HTRA2: variants seen among roughly 807,000 people sequenced by gnomAD.
The protein encoded by HTRA2 is serine protease HTRA2, mitochondrial.
Under a neutral mutation model 42.2 loss-of-function variants are expected in HTRA2, and 24 were observed. That is an observed-to-expected ratio of 0.57 (90% CI 0.41 to 0.80). The LOEUF (loss-of-function observed/expected upper bound fraction) is 0.80. Ranked by LOEUF, HTRA2 falls within the 30% of genes least tolerant of loss-of-function variation. The pLI, the probability that HTRA2 is intolerant of heterozygous loss-of-function variation, is 0.00. For synonymous variants in HTRA2, 245 were observed against 255.8 expected (o/e 0.96, Z 0.40); for missense variants, 466 against 613.5 (o/e 0.76, Z 2.54).
intron 4 of HTRA2, 107 bp downstream of exon 4, chr2:74,531,478 T>G (rs746510800): frequency 6.2e-7 from 1 of 1,607,460 alleles, no homozygotes; most frequent in Non-Finnish European, 8.5e-7. Context: ...AGCAGTTCTT[T>G]GTTGGCTATC....
upstream of HTRA2, chr2:74,529,682 C>T (rs528446739): frequency 1.0e-4 from 155 of 1,541,596 alleles, no homozygotes; most frequent in African/African-American, 2.0e-3. Context: ...TTTTCGCGCC[C>T]GGCCGCAGGG....
At chr2:74,533,519 T>A (rs924497017), downstream of HTRA2, 2 of 1,225,540 alleles carry the variant, frequency 1.6e-6, no homozygotes, top group Non-Finnish European at 2.4e-6. Context: ...GTTGCTGACA[T>A]GGGTTTCTTG....
chr2:74,531,188 G>A, intron 3 of HTRA2, 83 bp downstream of exon 3: 2 of 1,550,310 alleles, frequency 1.3e-6, no homozygotes, highest in Non-Finnish European at 1.8e-6. Context: ...GATATATGGT[G>A]GATGAGCCTA....
chr2:74,531,357 C>T lies in HTRA2; in HGVS notation c.925C>T (p.Pro309Ser). Reference protein sequence around the residue: ...AAIDFGNSGGPLVNLDGEVIG... With the variant: ...AAIDFGNSGGSLVNLDGEVIG... ...CCTACAGTTTGGAAACTCTGGAGGT[C>T]CCCTGGTTAACCTGGTGAGTGAGAC... Residue 309 changes from proline (P) to serine (S), a missense_variant, in exon 4 of 8, where the codon CCC becomes TCC. This residue lies in a region of HTRA2 where 115 missense variants were observed against 245.4 expected (regional missense o/e 0.47). Coordinates refer to ENST00000258080, the MANE Select transcript of HTRA2 (RefSeq NM_013247.5). The T allele has an allele frequency of 6.2e-7, 1 of 1,614,144 alleles. No individual in the cohort carries two copies. Among genetic ancestry groups the T allele is most frequent in the Non-Finnish European group, 8.5e-7 (1 of 1,179,976 alleles).
In HTRA2 at chr2:74,530,045, C is replaced by T. The variant is rs749586893; in HGVS notation, c.39C>T (p.Ser13=). 6.3e-7 allele frequency: 1 copy of T among 1,576,596 alleles called. No individual in the cohort carries two copies. The highest frequency in any genetic ancestry group is 8.7e-7 in the Non-Finnish European group (1 of 1,155,342). Residue 13 remains serine, a synonymous_variant, in exon 1 of 8, where the codon AGC becomes AGT. Transcript: ENST00000258080. This position sits in a 1 kb window ranked among gnomAD's most constrained non-coding sequence, Gnocchi z 7.4. Reference sequence around the variant, plus strand: ...GGGCGGGGCGGGGTGCAGGCTGGAGCCTTCGGGCATGGCGGGCTTTGGGGG... The same window carrying T: ...GGGCGGGGCGGGGTGCAGGCTGGAGTCTTCGGGCATGGCGGGCTTTGGGGG... ...APRAGRGAGW[S]LRAWRALGGI... is the part of the protein sequence containing the mutation.
intron 6 of HTRA2, 89 bp downstream of exon 6, chr2:74,532,014 T>A: frequency 8.2e-7 from 1 of 1,217,114 alleles, no homozygotes. Context: ...TTTCTGTCTT[T>A]ATCTAAGATG....
Position 74,530,985 on chromosome 2 carries a change from T to C in HTRA2, c.786T>C (p.Ser262=). Residue 262 remains serine, a synonymous_variant, in exon 3 of 8, where the codon AGT becomes AGC. Coordinates refer to ENST00000258080, the MANE Select transcript of HTRA2 (RefSeq NM_013247.5). This position sits in a 1 kb window ranked among gnomAD's most constrained non-coding sequence, Gnocchi z 7.4. Reference sequence around the variant, plus strand: ...GGGAGTTTGTTGTTGCCATGGGAAGTCCCTTTGCACTGCAGAACACGATCA... The same window carrying C: ...GGGAGTTTGTTGTTGCCATGGGAAGCCCCTTTGCACTGCAGAACACGATCA... ...RQGEFVVAMG[S]PFALQNTITS... 6.2e-7 allele frequency: 1 copy of C among 1,614,170 alleles called. No individual in the cohort carries two copies. The highest frequency in any genetic ancestry group is 8.5e-7 in the Non-Finnish European group (1 of 1,180,036).
chr2:74,532,916 G>T lies in HTRA2; in HGVS notation c.1308G>T (p.Gln436His), dbSNP rs1481385652. Reference sequence around the variant, plus strand: ...ATGAAGCTGTTCGAACCCAATCCCAGTTGGCAGTGCAGATCCGGCGGGGAC... The same window carrying T: ...ATGAAGCTGTTCGAACCCAATCCCATTTGGCAGTGCAGATCCGGCGGGGAC... The part of the protein sequence containing the change: ...DVYEAVRTQS[Q>H]LAVQIRRGRE... The change falls in exon 8 of 8, where the codon CAG becomes CAT. Residue 436 changes from glutamine to histidine, a missense_variant. By Grantham distance (24) the Gln-to-His change is conservative. This residue lies in a region of HTRA2 where 129 missense variants were observed against 163.1 expected (regional missense o/e 0.79). Transcript: ENST00000258080. 1.2e-6 allele frequency: 2 copies of T among 1,614,010 alleles called. No individual in the cohort carries two copies. The highest frequency in any genetic ancestry group is 1.7e-6 in the Non-Finnish European group (2 of 1,180,018).
chr2:74,529,433 G>C (rs774347474), upstream of HTRA2: 4 of 1,579,148 alleles, frequency 2.5e-6, no homozygotes, highest in Non-Finnish European at 3.4e-6. Context: ...GGCGCAGGAC[G>C]AGGAGGCAGA....
rs747274107 is a variant in HTRA2 at position 74,532,936 on chromosome 2, G to A, written c.1328G>A (p.Arg443Gln). ...TQSQLAVQIR[R>Q]GRETLTLYVT... The stretch of plus-strand genomic sequence containing the variant: ...TCCCAGTTGGCAGTGCAGATCCGGC[G>A]GGGACGAGAAACACTGACCTTATAT... Residue 443 changes from arginine (R) to glutamine (Q), a missense_variant, in exon 8 of 8, where the codon CGG becomes CAG. Arg to Gln is a conservative substitution (Grantham distance 43, BLOSUM62 1). Transcript: ENST00000258080. 5.0e-6 allele frequency: 8 copies of A among 1,613,684 alleles called. No homozygotes were observed. The highest frequency in any genetic ancestry group is 5.9e-6 in the Non-Finnish European group (7 of 1,179,948).
Position 74,532,494 on chromosome 2 carries a change from T to C in HTRA2, c.1116-125T>C, listed in dbSNP as rs1416215471. ...AGACAGAAAGTGAGTTGCCATTGTA[T>C]TTTGTAGTACCTAGCCCATGTCCTG... On this transcript the variant is annotated intron_variant, in intron 6 of 7. Coordinates refer to ENST00000258080, the MANE Select transcript of HTRA2 (RefSeq NM_013247.5). The C allele has an allele frequency of 5.3e-6, 4 of 758,668 alleles. No homozygotes were observed. In the Admixed American group the frequency reaches 8.0e-5, roughly 15 times the overall value. The allele number at this position is 758,668 out of a possible 1,614,324, so 47.0% of individuals were successfully genotyped here.
chr2:74,531,899 GGT>G lies in HTRA2; in HGVS notation c.1091_1092del (p.Val364AspfsTer12), dbSNP rs1558612885. 6.2e-7 allele frequency: 1 copy of G among 1,614,112 alleles called. No homozygotes were observed. Among genetic ancestry groups the G allele is most frequent in the South Asian group, 1.1e-5 (1 of 91,066 alleles). The part of the protein sequence containing the change: ...ISGSQRRYIG[V>X]MMLTLSPSIL... The stretch of plus-strand genomic sequence containing the variant: ...GTGGGTCCCAGCGGCGCTACATTGG[GGT>G]GATGATGCTGACCCTGAGTCCCAGG... On this transcript the variant is annotated frameshift_variant, in exon 6 of 8. Coordinates refer to ENST00000258080, the MANE Select transcript of HTRA2 (RefSeq NM_013247.5). LOFTEE classifies it high-confidence loss of function.
At position 74,530,315 on chromosome 2, in the gene HTRA2, G is replaced by A. The variant is rs1201114067; in HGVS notation, c.309G>A (p.Ser103=). 1 of 1,597,862 alleles carries A rather than the reference G, an allele frequency of 6.3e-7. No individual in the cohort carries two copies. Among genetic ancestry groups the A allele is most frequent in the Non-Finnish European group, 8.5e-7 (1 of 1,170,176 alleles). Residue 103 remains serine (S), a synonymous_variant, in exon 1 of 8, where the codon TCG becomes TCA. Transcript: ENST00000258080. The surrounding 1 kb of genome is among the most constrained non-coding windows in gnomAD (Gnocchi z 7.4). ...CCTCAGAGAACTCTGGAACCCGTTC[G>A]CGCGCGTGGCTGGCGGTGGCGCTGG... is the stretch of plus-strand genomic sequence containing the variant. The part of the protein sequence containing the change: ...REASENSGTR[S]RAWLAVALGA...
In HTRA2 at chr2:74,531,030, T is replaced by G. The variant is rs1276522472; in HGVS notation, c.831T>G (p.Ser277=). Residue 277 remains serine (S), a synonymous_variant, in exon 3 of 8, where the codon TCT becomes TCG. Transcript: ENST00000258080. ...QNTITSGIVS[S]AQRPARDLGL... is the part of the protein sequence containing the mutation. Reference sequence around the variant, plus strand: ...CGATCACATCCGGCATTGTTAGCTCTGCTCAGCGTCCAGCCAGAGACCTGG... The same window carrying G: ...CGATCACATCCGGCATTGTTAGCTCGGCTCAGCGTCCAGCCAGAGACCTGG... 2 of 1,614,226 alleles carry G rather than the reference T, an allele frequency of 1.2e-6. No homozygotes were observed. Among genetic ancestry groups the G allele is most frequent in the Non-Finnish European group, 1.7e-6 (2 of 1,180,034 alleles).
upstream of HTRA2, chr2:74,529,801 G>C (rs1420299544): frequency 7.0e-7 from 1 of 1,435,756 alleles, no homozygotes; most frequent in African/African-American, 1.4e-5. Context: ...GGCCCCTTGG[G>C]CCGTCTCACA....
In HTRA2 at chr2:74,530,154, G is replaced by A. The variant is rs1482606079; in HGVS notation, c.148G>A (p.Val50Met). ...AGGAACTTCTGACCCCCGGGCCCGA[G>A]TGACTTATGGGACCCCCAGTCTCTG... ...TSGTSDPRAR[V>M]TYGTPSLWAR... The change falls in exon 1 of 8, where the codon GTG becomes ATG. Residue 50 changes from valine to methionine, a missense_variant. This residue lies in a region of HTRA2 where 222 missense variants were observed against 205.1 expected (regional missense o/e 1.08). Transcript: ENST00000258080. The surrounding 1 kb of genome is among the most constrained non-coding windows in gnomAD (Gnocchi z 7.4). The A allele has an allele frequency of 1.2e-6, 2 of 1,612,136 alleles. No individual in the cohort carries two copies. The highest frequency in any genetic ancestry group is 1.7e-6 in the Non-Finnish European group (2 of 1,179,392).
In HTRA2 at chr2:74,530,058, C is replaced by A. The variant is rs866473711; in HGVS notation, c.52C>A (p.Arg18=). ...RGAGWSLRAW[R]ALGGIRWGRR... is the part of the protein sequence containing the mutation. ...TGCAGGCTGGAGCCTTCGGGCATGGCGGGCTTTGGGGGGCATTCGCTGGGG... is the reference window on the plus strand; with the variant it reads ...TGCAGGCTGGAGCCTTCGGGCATGGAGGGCTTTGGGGGGCATTCGCTGGGG... Residue 18 remains arginine (R), a synonymous_variant, in exon 1 of 8, where the codon CGG becomes AGG. Transcript: ENST00000258080. The surrounding 1 kb of genome is among the most constrained non-coding windows in gnomAD (Gnocchi z 7.4). 2 of 1,584,648 alleles carry A rather than the reference C, an allele frequency of 1.3e-6. No individual in the cohort carries two copies. The highest frequency in any genetic ancestry group is 1.7e-6 in the Non-Finnish European group (2 of 1,159,686).
chr2:74,529,786 C>T, upstream of HTRA2: 2 of 1,450,750 alleles, frequency 1.4e-6, no homozygotes, highest in Non-Finnish European at 9.0e-7. Flanking sequence ...CCCAGCATAC[C>T]CCGCGGCCCC....
rs1675537790 is a variant in HTRA2, at chr2:74,530,831, G to C, written c.711+10G>C. 1.2e-6 allele frequency: 2 copies of C among 1,614,180 alleles called. No individual in the cohort carries two copies. The highest frequency in any genetic ancestry group is 4.5e-5 in the East Asian group (2 of 44,888). On this transcript the variant is annotated intron_variant, in intron 2 of 7. Transcript: ENST00000258080. The surrounding 1 kb of genome is among the most constrained non-coding windows in gnomAD (Gnocchi z 7.4). Reference sequence around the variant, plus strand: ...GAGGATTCAGACTAAGGTGGGGGCTGGGGTAGGCCAGGTCTGGTTGGAGCT... The same window carrying C: ...GAGGATTCAGACTAAGGTGGGGGCTCGGGTAGGCCAGGTCTGGTTGGAGCT...
Sources: allele counts gnomAD v4.1 joint callset, GRCh38; gene constraint gnomAD v4.1.1; regional missense constraint gnomAD v4.1.1; non-coding constraint Gnocchi (gnomAD v3.1); transcripts MANE v1.5; gene names NCBI Gene and HGNC (gene_info 2026-07-23, HGNC 2026-07-21).